Variants in MGAM observed in about 807,000 individuals in gnomAD.
The protein encoded by MGAM is maltase-glucoamylase, also known as alpha-1,4-glucosidase.
In MGAM, 253 loss-of-function variants were observed where a neutral mutation model predicts 358.8. The observed-to-expected ratio is 0.71, with a 90% CI of 0.64 to 0.78. MGAM has a LOEUF of 0.78. MGAM is among the 30% of genes least tolerant of loss of function. MGAM has a pLI of 0.00. For missense variants in MGAM, 3,080 were observed against 3,432.6 expected (o/e 0.90, Z 2.57); for synonymous variants, 1,105 against 1,227.1 (o/e 0.90, Z 2.08).
At chr7:142,041,400 C>A (rs1808520909) in intron 21 of MGAM, among the ~76,000 whole-genome samples, 1 of 151,998 alleles carries the variant, frequency 6.6e-6, no homozygotes, top group Admixed American at 6.6e-5. Context: ...TTTAATTTTC[C>A]AAGTTGTAGA....
At position 142,105,854 on chromosome 7, in the gene MGAM, A is replaced by T. The variant is rs1483119312; in HGVS notation, c.8225A>T (p.His2742Leu). 10 of 1,613,396 alleles carry T rather than the reference A, an allele frequency of 6.2e-6. No individual in the cohort carries two copies. Among genetic ancestry groups the T allele is most frequent in the Non-Finnish European group, 8.5e-6 (10 of 1,179,492 alleles). The change falls in exon 71 of 71, where the codon CAT becomes CTT. Residue 2742 changes from histidine to leucine, a missense_variant. Around this residue, in one of 5 missense-constraint regions of MGAM, gnomAD observed 194 missense variants for 172.8 expected, o/e 1.12. Coordinates refer to ENST00000475668, the MANE Select transcript of MGAM (RefSeq NM_001365693.1). The stretch of plus-strand genomic sequence containing the variant: ...GTGACTGACAGAAACATCAGCCTAC[A>T]TAATTTTACTTCATTGACGTGGATA... ...IDVTDRNISL[H>L]NFTSLTWIST... is the part of the protein sequence containing the mutation.
At chr7:142,090,489 G>C (rs28712440) in intron 57 of MGAM, among the ~76,000 whole-genome samples, 4,603 of 144,744 alleles carry the variant, frequency 0.032, 401 homozygotes, top group African/African-American at 0.086. Context: ...GCCCACTTCT[G>C]TCAAGATTCT....
intron 1 of MGAM, among the ~76,000 whole-genome samples, chr7:142,004,884 C>A (rs1377730349): frequency 6.6e-6 from 1 of 151,898 alleles, no homozygotes; most frequent in Non-Finnish European, 1.5e-5. Flanking sequence ...TTAAAGTCTC[C>A]TGGAAGATGC....
chr7:142,041,546 T>A (rs1180824826), intron 21 of MGAM, among the ~76,000 whole-genome samples: 5 of 151,962 alleles, frequency 3.3e-5, no homozygotes, highest in Non-Finnish European at 5.9e-5. Flanking sequence ...AACTGGTTGC[T>A]CCCAGGCTTG....
chr7:142,097,226 C>A (rs1310719915), intron 65 of MGAM, among the ~76,000 whole-genome samples: 1 of 152,124 alleles, frequency 6.6e-6, no homozygotes, highest in Non-Finnish European at 1.5e-5. Context: ...CGTGAGCCAC[C>A]GTGTCCAGCC....
rs1809468218 is a variant in MGAM at position 142,043,772 on chromosome 7, TTATATACACATACGAC to T, written c.2498+2927_2498+2942del. On this transcript the variant is annotated intron_variant, in intron 21 of 70. Coordinates refer to ENST00000475668, the MANE Select transcript of MGAM (RefSeq NM_001365693.1). ...ACACATACGACATATAATATATACA[TTATATACACATACGAC>T]ATATAATATATACATTATATACACA... Among the ~76,000 whole-genome samples the T allele has an allele frequency of 5.5e-4, 47 of 85,338 alleles. 3 individuals are homozygous for T. The South Asian group carries it at 6.3e-3, about 12-fold the overall frequency. The allele number at this position is 85,338 out of a possible 152,430, so 56.0% of individuals were successfully genotyped here. A position where few individuals can be genotyped will look rare whatever the true frequency, so the allele number is the denominator to read the frequency against.
rs562903263 is a variant in MGAM at position 142,104,533 on chromosome 7, T to A, written c.8184+1094T>A. ...ATTCTTCCACTAGTGTCTATGAAGT[T>A]TTTTTCCTGAGCCACTAACACACTT... On this transcript the variant is annotated intron_variant, in intron 70 of 70. Transcript: ENST00000475668. Among the ~76,000 whole-genome samples, 43 of 152,334 alleles carry A rather than the reference T, an allele frequency of 2.8e-4. 1 individual carries two copies. In the South Asian group the frequency reaches 8.5e-3, roughly 30 times the overall value.
At chr7:142,001,838 C>T (rs1804763038) in intron 1 of MGAM, among the ~76,000 whole-genome samples, 1 of 152,150 alleles carries the variant, frequency 6.6e-6, no homozygotes, top group South Asian at 2.1e-4. Context: ...ACCCAGGACC[C>T]ATTACCTGTC....
chr7:142,052,142 A>C lies in MGAM; in HGVS notation c.2806-152A>C, dbSNP rs559223243. Among the ~76,000 whole-genome samples the C allele has an allele frequency of 4.6e-5, 7 of 152,256 alleles. No individual in the cohort carries two copies. In the South Asian group the frequency reaches 1.4e-3, roughly 32 times the overall value. On this transcript the variant is annotated intron_variant, in intron 24 of 70. Coordinates refer to ENST00000475668, the MANE Select transcript of MGAM (RefSeq NM_001365693.1). ...TGCTAAATAGATTCTCCCAATGTGC[A>C]GTTCTCTTCTTATAAGCTAAAGTCA...
intron 1 of MGAM, among the ~76,000 whole-genome samples, chr7:142,003,018 G>A (rs2128979889): frequency 6.6e-6 from 1 of 152,076 alleles, no homozygotes; most frequent in Non-Finnish European, 1.5e-5. Flanking sequence ...ATTTGACCAA[G>A]GAGGTCAAGG....
rs148365935 is a variant in MGAM, at chr7:142,006,439, T to C, written c.127+782T>C. Among the ~76,000 whole-genome samples the C allele has an allele frequency of 1.3e-3, 192 of 152,238 alleles. 6 individuals are homozygous for C. In the East Asian group the frequency reaches 0.027, roughly 22 times the overall value. On this transcript the variant is annotated intron_variant, in intron 2 of 70. Coordinates refer to ENST00000475668, the MANE Select transcript of MGAM (RefSeq NM_001365693.1). ...TCAAAGCACTCTCATGATGAGCAGA[T>C]GTTACTGCTCTTTGGCCCTCCAGAA...
At chr7:142,070,938 G>T (rs940455469) in intron 43 of MGAM, 56 bp from the exon 44 acceptor site, 2 of 1,545,624 alleles carry the variant, frequency 1.3e-6, no homozygotes, top group Admixed American at 3.4e-5. Context: ...AGGATGCATT[G>T]TTCAGGGAGG....
At chr7:142,053,083 C>T in intron 26 of MGAM, 99 bp downstream of exon 26, 1 of 1,248,914 alleles carries the variant, frequency 8.0e-7, no homozygotes, top group Admixed American at 2.1e-5. Flanking sequence ...GTTAATCATG[C>T]TACAACAGAC....
Position 142,097,658 on chromosome 7 carries a change from T to G in MGAM, c.7749+9T>G, listed in dbSNP as rs781079508. The G allele has an allele frequency of 3.1e-6, 5 of 1,597,768 alleles. No individual in the cohort carries two copies. In the African/African-American group the frequency reaches 4.0e-5, roughly 13 times the overall value. On this transcript the variant is annotated intron_variant, in intron 66 of 70. Transcript: ENST00000475668. ...GGTATGATTACTACACGGTAAGTTTTTCTGAATGTTTATACAACACGGGAA... is the reference window on the plus strand; with the variant it reads ...GGTATGATTACTACACGGTAAGTTTGTCTGAATGTTTATACAACACGGGAA...
intron 8 of MGAM, among the ~76,000 whole-genome samples, chr7:142,026,291 A>G (rs2128999993): frequency 6.6e-6 from 1 of 152,208 alleles, no homozygotes; most frequent in East Asian, 1.9e-4. Context: ...CACAATAATG[A>G]CGGGGTATGT....
Position 142,082,587 on chromosome 7 carries a change from G to A in MGAM, c.6268+16G>A, listed in dbSNP as rs577069258. On this transcript the variant is annotated intron_variant, in intron 52 of 70. Coordinates refer to ENST00000475668, the MANE Select transcript of MGAM (RefSeq NM_001365693.1). ...AATGCCATGGGTAAGGCCATCCAGC[G>A]CCTCCCTTATTTTGGGGGGATACCA... 78 of 1,479,166 alleles carry A rather than the reference G, an allele frequency of 5.3e-5. 5 individuals are homozygous for A. In the South Asian group the frequency reaches 5.7e-4, roughly 11 times the overall value. 91.6% of individuals were successfully genotyped at this position (1,479,166 alleles called of 1,614,324 possible).
At chr7:142,041,934 T>A (rs1404209892) in intron 21 of MGAM, among the ~76,000 whole-genome samples, 5 of 29,516 alleles carry the variant, frequency 1.7e-4, no homozygotes, top group African/African-American at 1.2e-3. Context: ...ATATAATATA[T>A]ATATTATATA....
At chr7:142,013,169 A>G (rs1214376173) in intron 3 of MGAM, among the ~76,000 whole-genome samples, 1 of 151,986 alleles carries the variant, frequency 6.6e-6, no homozygotes, top group African/African-American at 2.4e-5. Context: ...TTAATGGTGA[A>G]GGCTGTGGTG....
intron 31 of MGAM, among the ~76,000 whole-genome samples, chr7:142,058,810 T>C (rs73740233): frequency 0.02 from 3,048 of 152,296 alleles, 114 homozygotes; most frequent in African/African-American, 0.069. Context: ...CCAGAGGACA[T>C]ACATATGGAA....
Sources: gnomAD v4.1 joint callset for allele counts (sites outside exome capture counted in the v4.1 genomes callset) on GRCh38, gnomAD v4.1.1 for gene constraint, gnomAD v4.1.1 regional missense constraint, MANE v1.5 for transcripts, NCBI Gene and HGNC (gene_info 2026-07-23, HGNC 2026-07-21) for gene names.